The following CDH4 variants were observed in gnomAD, a reference collection of about 807,000 sequenced individuals.
CDH4 encodes the protein cadherin-4.
CDH4 carries 33 observed loss-of-function variants against 86.0 expected under a neutral mutation model. The observed-to-expected ratio is 0.38, with a 90% CI of 0.29 to 0.51. CDH4 has a LOEUF of 0.51. Among genes scored for constraint, CDH4 ranks in the 20% least tolerant of loss-of-function variants. The probability of loss-of-function intolerance (pLI) is 0.86; values close to 1 mark genes in which losing one functional copy is unlikely to be tolerated. For missense variants in CDH4, 1,114 were observed against 1,307.4 expected (o/e 0.85, Z 2.28); for synonymous variants, 555 against 549.4 (o/e 1.01, Z -0.14).
chr20:61,364,721 A>C (rs559486725), intron 2 of CDH4, among the ~76,000 whole-genome samples: 1 of 152,326 alleles, frequency 6.6e-6, no homozygotes, highest in African/African-American at 2.4e-5. Flanking sequence ...TCTTGCTTCT[A>C]GTGGATGAAC....
At chr20:61,382,277 G>A (rs1568821714) in intron 2 of CDH4, among the ~76,000 whole-genome samples, 1 of 152,300 alleles carries the variant, frequency 6.6e-6, no homozygotes, top group African/African-American at 2.4e-5. Context: ...CTCAAATGCA[G>A]CAGCTCTAAC....
chr20:61,547,726 C>T (rs2086099304), intron 2 of CDH4, among the ~76,000 whole-genome samples: 1 of 152,232 alleles, frequency 6.6e-6, no homozygotes, highest in South Asian at 2.1e-4. Context: ...CAGCCTTTTC[C>T]CACCTGAGGC....
chr20:61,351,086 C>T (rs184955472), intron 2 of CDH4, among the ~76,000 whole-genome samples: 23 of 152,238 alleles, frequency 1.5e-4, no homozygotes, highest in Non-Finnish European at 2.9e-4. Flanking sequence ...CCTCCATCCC[C>T]GGGCAGCCCG....
intron 2 of CDH4, among the ~76,000 whole-genome samples, chr20:61,302,920 G>C (rs2084393753): frequency 6.6e-6 from 1 of 152,190 alleles, no homozygotes; most frequent in Non-Finnish European, 1.5e-5. Flanking sequence ...GAGGGAAGCA[G>C]AGGTTGGAGT....
intron 2 of CDH4, among the ~76,000 whole-genome samples, chr20:61,394,904 C>T (rs1431208243): frequency 7.2e-6 from 1 of 139,548 alleles, no homozygotes; most frequent in Admixed American, 7.9e-5. Context: ...CCTGTCACCC[C>T]CACCCCGCCC....
chr20:61,933,864 G>C lies in CDH4; in HGVS notation c.2380-192G>C, dbSNP rs1436817800. 4.6e-5 allele frequency among the ~76,000 whole-genome samples: 7 copies of C among 152,210 alleles called. No individual in the cohort carries two copies. The East Asian group carries it at 1.4e-3, about 29-fold the overall frequency. ...CCCCTATCCCTGCCCAAGGGATTGGGGTAAAGGGCAAGGAGGTGGGGCATT... is the reference window on the plus strand; with the variant it reads ...CCCCTATCCCTGCCCAAGGGATTGGCGTAAAGGGCAAGGAGGTGGGGCATT... On this transcript the variant is annotated intron_variant, in intron 14 of 15. Coordinates refer to ENST00000614565, the MANE Select transcript of CDH4 (RefSeq NM_001794.5).
intron 4 of CDH4, among the ~76,000 whole-genome samples, chr20:61,813,102 A>G (rs1243953430): frequency 6.6e-6 from 1 of 152,238 alleles, no homozygotes; most frequent in East Asian, 1.9e-4. Context: ...AAGGTTTTAA[A>G]TTATTACTGC....
rs779693148 is a variant in CDH4, at chr20:61,928,319, C to T, written c.1901C>T (p.Thr634Met). 8.1e-6 allele frequency: 13 copies of T among 1,609,564 alleles called. No homozygotes were observed. Among genetic ancestry groups the T allele is most frequent in the Middle Eastern group, 1.6e-4 (1 of 6,084 alleles). The part of the protein sequence containing the change: ...EKPNLNAINI[T>M]AADADVDPNI... The stretch of plus-strand genomic sequence containing the variant: ...CCCAACCTGAACGCCATCAACATCA[C>T]GGCGGCCGACGCTGACGTCGACCCC... The change falls in exon 12 of 16, where the codon ACG (threonine) becomes ATG (methionine). Residue 634 changes from threonine to methionine, a missense_variant. This residue lies in a region of CDH4 where 705 missense variants were observed against 914.1 expected (regional missense o/e 0.77). Transcript: ENST00000614565.
intron 4 of CDH4, among the ~76,000 whole-genome samples, chr20:61,820,018 C>T (rs941807646): frequency 2.6e-5 from 4 of 152,216 alleles, no homozygotes; most frequent in Admixed American, 1.3e-4. Context: ...TCCCGGGGAC[C>T]GTGTCTGGCC....
At chr20:61,364,531 G>A (rs115753142) in intron 2 of CDH4, among the ~76,000 whole-genome samples, 16 of 152,302 alleles carry the variant, frequency 1.1e-4, no homozygotes, top group South Asian at 4.1e-4. Flanking sequence ...TCTCTGTTCC[G>A]CATCAGGAGG....
chr20:61,875,799 C>T (rs1032619678), intron 7 of CDH4, among the ~76,000 whole-genome samples: 5 of 152,194 alleles, frequency 3.3e-5, no homozygotes, highest in African/African-American at 1.2e-4. Flanking sequence ...ATCCCATGGG[C>T]ACATGGCCGA....
Position 61,623,573 on chromosome 20 carries a change from C to G in CDH4, c.170-119990C>G, listed in dbSNP as rs2086798421. 1.3e-5 allele frequency among the ~76,000 whole-genome samples: 2 copies of G among 152,166 alleles called. No individual in the cohort carries two copies. Among genetic ancestry groups the G allele is most frequent in the Non-Finnish European group, 2.9e-5 (2 of 68,038 alleles). On this transcript the variant is annotated intron_variant, in intron 2 of 15. Coordinates refer to ENST00000614565, the MANE Select transcript of CDH4 (RefSeq NM_001794.5). The surrounding 1 kb of genome is among the most constrained non-coding windows in gnomAD (Gnocchi z 4.4). ...AGAGAGCCCGCAGGGTCATCAAGAGCTAGACCCAGCGGCCGTGTTGTCTTT... is the reference window on the plus strand; with the variant it reads ...AGAGAGCCCGCAGGGTCATCAAGAGGTAGACCCAGCGGCCGTGTTGTCTTT...
At position 61,254,186 on chromosome 20, in the gene CDH4, G is replaced by A. The variant is rs138581856; in HGVS notation, c.58-640G>A. ...CTCCCTGCCTGGGCTGGAGATGGGGGCTCCGAGGGTGAAAATGCGGGCTGA... is the reference window on the plus strand; with the variant it reads ...CTCCCTGCCTGGGCTGGAGATGGGGACTCCGAGGGTGAAAATGCGGGCTGA... On this transcript the variant is annotated intron_variant, in intron 1 of 15. Coordinates refer to ENST00000614565, the MANE Select transcript of CDH4 (RefSeq NM_001794.5). 6.5e-3 allele frequency among the ~76,000 whole-genome samples: 983 copies of A among 152,334 alleles called. 12 individuals are homozygous for A. Among genetic ancestry groups the A allele is most frequent in the South Asian group, 0.026 (124 of 4,832 alleles).
chr20:61,842,133 C>A (rs1982205724), intron 4 of CDH4, among the ~76,000 whole-genome samples: 1 of 152,210 alleles, frequency 6.6e-6, no homozygotes, highest in Non-Finnish European at 1.5e-5. Flanking sequence ...TGCTTTGAGT[C>A]TCTCTGAAGG....
chr20:61,866,826 C>T (rs559485936), intron 6 of CDH4, among the ~76,000 whole-genome samples: 6 of 152,178 alleles, frequency 3.9e-5, no homozygotes, highest in Admixed American at 2.0e-4. Flanking sequence ...GATTCCTGAA[C>T]GTAGCAAAAA....
intron 2 of CDH4, among the ~76,000 whole-genome samples, chr20:61,648,653 G>C (rs189353948): frequency 9.8e-5 from 15 of 152,288 alleles, no homozygotes; most frequent in African/African-American, 3.4e-4. Flanking sequence ...GGTGAATGGC[G>C]AGAAGAGCTG....
At chr20:61,402,817 T>C (rs975407540) in intron 2 of CDH4, among the ~76,000 whole-genome samples, 13 of 152,252 alleles carry the variant, frequency 8.5e-5, no homozygotes, top group African/African-American at 3.1e-4. Flanking sequence ...GGCCAGTTTA[T>C]AGATGAAGAA....
chr20:61,820,475 C>T (rs1231143835), intron 4 of CDH4, among the ~76,000 whole-genome samples: 1 of 152,214 alleles, frequency 6.6e-6, no homozygotes, highest in Non-Finnish European at 1.5e-5. Context: ...CCAAAGTCAC[C>T]CAAGGAGGCT....
intron 2 of CDH4, among the ~76,000 whole-genome samples, chr20:61,492,381 A>G (rs1477886232): frequency 6.8e-6 from 1 of 147,366 alleles, no homozygotes; most frequent in African/African-American, 2.6e-5. Context: ...TGGTGTCAAT[A>G]TTGTTGATGT....
Sources: gnomAD v4.1 joint callset for allele counts (sites outside exome capture counted in the v4.1 genomes callset) on GRCh38, gnomAD v4.1.1 for gene constraint, gnomAD v4.1.1 regional missense constraint, Gnocchi (gnomAD v3.1) non-coding constraint, MANE v1.5 for transcripts, NCBI Gene and HGNC (gene_info 2026-07-23, HGNC 2026-07-21) for gene names.